PPFIA2: variants seen among roughly 807,000 people sequenced by gnomAD.
PPFIA2 encodes liprin-alpha-2.
Under a neutral mutation model 175.5 loss-of-function variants are expected in PPFIA2, and 46 were observed. The observed-to-expected ratio is 0.26, with a 90% CI of 0.21 to 0.34. PPFIA2 has a LOEUF of 0.34. Among genes scored for constraint, PPFIA2 ranks in the 10% least tolerant of loss-of-function variants. The probability of loss-of-function intolerance (pLI) is 1.00; values close to 1 mark genes in which losing one functional copy is unlikely to be tolerated. For synonymous variants in PPFIA2, 568 were observed against 511.4 expected (o/e 1.11, Z -1.49); for missense variants, 1,179 against 1,506.1 (o/e 0.78, Z 3.60).
intron 7 of PPFIA2, among the ~76,000 whole-genome samples, chr12:81,426,232 T>C (rs1261239141): frequency 3.9e-5 from 6 of 152,174 alleles, no homozygotes; most frequent in East Asian, 1.9e-4. Flanking sequence ...TACTCTGTCA[T>C]GTGTCAATTC....
chr12:81,571,683 A>G (rs564464045), intron 4 of PPFIA2, among the ~76,000 whole-genome samples: 2 of 152,272 alleles, frequency 1.3e-5, no homozygotes, highest in South Asian at 2.1e-4. Flanking sequence ...AAGTAAAATA[A>G]TCTCATTCCT....
chr12:81,310,811 C>T (rs1594564816), intron 22 of PPFIA2, among the ~76,000 whole-genome samples: 1 of 152,148 alleles, frequency 6.6e-6, no homozygotes, highest in East Asian at 1.9e-4. Context: ...GCAAATAATA[C>T]ATCACCAAGT....
At chr12:81,418,805 G>A (rs1036764905) in intron 7 of PPFIA2, among the ~76,000 whole-genome samples, 6 of 151,794 alleles carry the variant, frequency 4.0e-5, no homozygotes. Context: ...CTTCACATAA[G>A]TACAAAGAAA....
intron 31 of PPFIA2, among the ~76,000 whole-genome samples, chr12:81,262,316 A>G (rs1167998968): frequency 1.3e-5 from 2 of 152,186 alleles, no homozygotes; most frequent in African/African-American, 4.8e-5. Context: ...TGATTTTGAT[A>G]TGGAGATTGC....
intron 24 of PPFIA2, 148 bp from the exon 25 acceptor site, chr12:81,284,451 C>A (rs1313134229): frequency 5.1e-6 from 3 of 593,054 alleles, no homozygotes; most frequent in Non-Finnish European, 9.1e-6. Flanking sequence ...GACAGCATGG[C>A]TGGTTTGCTC....
chr12:81,673,746 T>C (rs1237568649), intron 4 of PPFIA2, among the ~76,000 whole-genome samples: 2 of 152,034 alleles, frequency 1.3e-5, no homozygotes, highest in African/African-American at 2.4e-5. Context: ...AATTATGTGA[T>C]TTGGAAAAAT....
At chr12:81,539,498 A>C (rs2153333935) in intron 4 of PPFIA2, among the ~76,000 whole-genome samples, 1 of 152,030 alleles carries the variant, frequency 6.6e-6, no homozygotes, top group East Asian at 1.9e-4. Context: ...CACAATTAGC[A>C]TCAATAGCAT....
intron 4 of PPFIA2, among the ~76,000 whole-genome samples, chr12:81,589,315 T>C (rs915052204): frequency 6.6e-6 from 1 of 152,084 alleles, no homozygotes; most frequent in Admixed American, 6.6e-5. Context: ...ATCACTGATA[T>C]ACAGAACATT....
At chr12:81,315,888 A>G (rs530591997) in intron 22 of PPFIA2, among the ~76,000 whole-genome samples, 68 of 151,830 alleles carry the variant, frequency 4.5e-4, no homozygotes, top group African/African-American at 1.6e-3. Flanking sequence ...ATCACATTAA[A>G]TATAACTTTT....
At chr12:81,482,523 G>A (rs1359978354) in intron 4 of PPFIA2, among the ~76,000 whole-genome samples, 1 of 152,176 alleles carries the variant, frequency 6.6e-6, no homozygotes, top group Admixed American at 6.5e-5. Context: ...TAAAGAAAAT[G>A]TGGCACATAT....
intron 4 of PPFIA2, among the ~76,000 whole-genome samples, chr12:81,616,651 T>A (rs1327417911): frequency 6.6e-6 from 1 of 152,222 alleles, no homozygotes; most frequent in Non-Finnish European, 1.5e-5. Context: ...TGGTAAATTA[T>A]GGGCATACAT....
Position 81,292,989 on chromosome 12 carries a change from T to C in PPFIA2, c.2925+1846A>G, listed in dbSNP as rs974347064. 11 of 152,042 alleles carry C rather than the reference T, an allele frequency of 7.2e-5. 1 individual carries two copies. Among genetic ancestry groups the C allele is most frequent in the African/African-American group, 2.7e-4 (11 of 41,434 alleles). 9.4% of individuals were successfully genotyped at this position (152,042 alleles called of 1,614,324 possible). A position where few individuals can be genotyped will look rare whatever the true frequency, so the allele number is the denominator to read the frequency against. On this transcript the variant is annotated intron_variant, in intron 24 of 32. Coordinates refer to ENST00000549396, the MANE Select transcript of PPFIA2 (RefSeq NM_003625.5). ...TTTTATTTCTGGCATTAGAATCTAG[T>C]ATACTGGGAAGGAAAATGTGTAAAT...
At chr12:81,321,968 A>G (rs1382253676) in intron 22 of PPFIA2, among the ~76,000 whole-genome samples, 1 of 152,138 alleles carries the variant, frequency 6.6e-6, no homozygotes, top group Non-Finnish European at 1.5e-5. Context: ...AGGAGTAGCT[A>G]GGCTACATGC....
At chr12:81,535,464 A>G in intron 4 of PPFIA2, 1 of 455,370 alleles carries the variant, frequency 2.2e-6, no homozygotes, top group Non-Finnish European at 4.4e-6. Context: ...AATATCCTGA[A>G]AGGCAGAATC....
intron 4 of PPFIA2, among the ~76,000 whole-genome samples, chr12:81,495,592 C>G (rs187155761): frequency 3.3e-5 from 5 of 152,154 alleles, no homozygotes; most frequent in African/African-American, 1.2e-4. Flanking sequence ...ATTGCTTGAG[C>G]CCAGGAATTC....
intron 4 of PPFIA2, among the ~76,000 whole-genome samples, chr12:81,558,680 A>C (rs535555546): frequency 6.6e-6 from 1 of 152,248 alleles, no homozygotes; most frequent in Non-Finnish European, 1.5e-5. Flanking sequence ...AGATATCTAC[A>C]GGGACTTGAA....
chr12:81,334,118 C>T (rs2056670009), intron 21 of PPFIA2, among the ~76,000 whole-genome samples: 1 of 152,048 alleles, frequency 6.6e-6, no homozygotes, highest in African/African-American at 2.4e-5. Flanking sequence ...TACTTTGTTT[C>T]AAAATAGATT....
intron 7 of PPFIA2, among the ~76,000 whole-genome samples, chr12:81,406,668 A>AAT (rs113507012): frequency 0.015 from 2,239 of 149,890 alleles, 57 homozygotes; most frequent in African/African-American, 0.049. Context: ...ACATTTGCTA[A>AAT]ATATATATAT....
chr12:81,387,720 G>T (rs565115988), intron 8 of PPFIA2, among the ~76,000 whole-genome samples: 1 of 152,090 alleles, frequency 6.6e-6, no homozygotes, highest in Non-Finnish European at 1.5e-5. Flanking sequence ...TCTAAAATCA[G>T]TTATCATACC....
Sources: allele counts gnomAD v4.1 joint callset (sites outside exome capture counted in the v4.1 genomes callset), GRCh38; gene constraint gnomAD v4.1.1; transcripts MANE v1.5; gene names NCBI Gene and HGNC (gene_info 2026-07-23, HGNC 2026-07-21).